Variants in FAM107B observed in about 807,000 individuals in gnomAD.
FAM107B encodes family with sequence similarity 107 member B, also known as protein FAM107B.
A neutral mutation model predicts 31.5 loss-of-function variants in FAM107B; 21 were observed. The observed-to-expected ratio is 0.67, with a 90% confidence interval of 0.47 to 0.96. The LOEUF is 0.96. FAM107B is among the 40% of genes least tolerant of loss of function. The probability of loss-of-function intolerance (pLI) is 0.00; values close to 1 mark genes in which losing one functional copy is unlikely to be tolerated. For missense variants in FAM107B, 452 were observed against 377.1 expected (o/e 1.20, Z -1.64); for synonymous variants, 157 against 141.5 (o/e 1.11, Z -0.78).
At chr10:14,634,078 A>G (rs78423014) in intron 2 of FAM107B, among the ~76,000 whole-genome samples, 1,613 of 152,230 alleles carry the variant, frequency 0.011, 12 homozygotes, top group Non-Finnish European at 0.018. Flanking sequence ...ATTGTTATTG[A>G]TTTTTAAAAT....
rs543191891 is a variant in FAM107B, at chr10:14,770,003, TC to T, written c.411+4249del. Reference sequence around the variant, plus strand: ...GATCGAAGCCCCTGTATTCTAGTCTTCCCCTGTCTTCTTCCCAAGGCTGAAC... The same window carrying T: ...GATCGAAGCCCCTGTATTCTAGTCTTCCCTGTCTTCTTCCCAAGGCTGAAC... On this transcript the variant is annotated intron_variant, in intron 1 of 4. Coordinates refer to ENST00000181796, the MANE Select transcript of FAM107B (RefSeq NM_031453.4). Among the ~76,000 whole-genome samples, 5 of 152,268 alleles carry T rather than the reference TC, an allele frequency of 3.3e-5. No homozygotes were observed. The South Asian group carries it at 8.3e-4, about 25-fold the overall frequency.
rs3995551 is a variant in FAM107B, at chr10:14,619,708, T to TAAAAA, written c.469+47921_469+47925dup. Among the ~76,000 whole-genome samples the TAAAAA allele has an allele frequency of 0.011, 1,169 of 104,510 alleles. 57 individuals carry two copies. The East Asian group carries it at 0.12, about 11-fold the overall frequency. The allele number at this position is 104,510 out of a possible 152,430, so 68.6% of individuals were successfully genotyped here. ...TTACGATTTGTGTTTGTGTCCTAGC[T>TAAAAA]AAAAAAAAAAAAAAAAAAAAAAACC... is the stretch of plus-strand genomic sequence containing the variant. On this transcript the variant is annotated intron_variant, in intron 2 of 4. Transcript: ENST00000181796.
chr10:14,714,581 G>T (rs1855739354), intron 1 of FAM107B, among the ~76,000 whole-genome samples: 2 of 152,172 alleles, frequency 1.3e-5, no homozygotes, highest in South Asian at 4.1e-4. Context: ...CAGGCAACGA[G>T]GGTACAGATG....
intron 2 of FAM107B, among the ~76,000 whole-genome samples, chr10:14,657,862 G>A (rs1854107255): frequency 6.6e-6 from 1 of 151,516 alleles, no homozygotes. Flanking sequence ...CCAGTCTGGA[G>A]TGCAGTGGCG....
rs12268308 is a variant in FAM107B, at chr10:14,756,935, T to C, written c.411+17318A>G. On this transcript the variant is annotated intron_variant, in intron 1 of 4. Coordinates refer to ENST00000181796, the MANE Select transcript of FAM107B (RefSeq NM_031453.4). ...ACAGAAAACCAAATATCGTGTGTTC[T>C]TACTTATAAGTGGGAGCTAAATGAT... Among the ~76,000 whole-genome samples the C allele has an allele frequency of 6.9e-3, 1,050 of 152,250 alleles. 13 individuals are homozygous for C. Among genetic ancestry groups the C allele is most frequent in the African/African-American group, 0.024 (1,012 of 41,542 alleles).
chr10:14,586,468 G>C (rs1851841733), intron 2 of FAM107B, among the ~76,000 whole-genome samples: 1 of 152,182 alleles, frequency 6.6e-6, no homozygotes, highest in Non-Finnish European at 1.5e-5. Flanking sequence ...CCAACGTGAT[G>C]ATATTTGGAA....
chr10:14,670,037 C>T lies in FAM107B; in HGVS notation c.412-2346G>A, dbSNP rs80050497. On this transcript the variant is annotated intron_variant, in intron 1 of 4. Transcript: ENST00000181796. ...TGCATGTAAAAAAAATCACAAGTAC[C>T]CCATGAATATGTAAATATTATGTAT... Among the ~76,000 whole-genome samples the T allele has an allele frequency of 9.2e-3, 1,404 of 152,172 alleles. 15 individuals carry two copies. Among genetic ancestry groups the T allele is most frequent in the African/African-American group, 0.028 (1,152 of 41,504 alleles).
intron 2 of FAM107B, among the ~76,000 whole-genome samples, chr10:14,629,684 T>G (rs1853302737): frequency 6.7e-6 from 1 of 149,404 alleles, no homozygotes. Context: ...GGCTAATTTT[T>G]TTGTATTTTT....
intron 1 of FAM107B, among the ~76,000 whole-genome samples, chr10:14,743,309 T>C (rs189253659): frequency 6.6e-6 from 1 of 152,310 alleles, no homozygotes; most frequent in Non-Finnish European, 1.5e-5. Flanking sequence ...CTGCAAGTTG[T>C]CTGTTTGCTC....
At chr10:14,561,444 C>T (rs1348551880) in intron 2 of FAM107B, among the ~76,000 whole-genome samples, 8 of 152,196 alleles carry the variant, frequency 5.3e-5, no homozygotes, top group Non-Finnish European at 1.0e-4. Flanking sequence ...CAAGGGCTAC[C>T]AAGGGAAAGA....
intron 2 of FAM107B, among the ~76,000 whole-genome samples, chr10:14,621,734 G>C (rs918716638): frequency 1.3e-5 from 2 of 152,184 alleles, no homozygotes; most frequent in African/African-American, 4.8e-5. Flanking sequence ...AACAGGATTT[G>C]GCTTTTTTTG....
At chr10:14,594,501 C>CAAAAAAAAAA (rs371126997) in intron 2 of FAM107B, among the ~76,000 whole-genome samples, 3 of 80,140 alleles carry the variant, frequency 3.7e-5, no homozygotes, top group Non-Finnish European at 4.6e-5. Context: ...AAGACCCTGC[C>CAAAAAAAAAA]AAAAAAAAAA....
At chr10:14,766,524 T>C (rs995090855) in intron 1 of FAM107B, among the ~76,000 whole-genome samples, 1 of 152,090 alleles carries the variant, frequency 6.6e-6, no homozygotes, top group African/African-American at 2.4e-5. Flanking sequence ...TACTTTGTAT[T>C]GGATTTGTGG....
chr10:14,582,108 C>A (rs1262439786), intron 2 of FAM107B, among the ~76,000 whole-genome samples: 1 of 152,114 alleles, frequency 6.6e-6, no homozygotes, highest in East Asian at 1.9e-4. Flanking sequence ...CTGTCTTCAA[C>A]CATAGAGAAT....
At chr10:14,693,064 A>C (rs1219574983) in intron 1 of FAM107B, among the ~76,000 whole-genome samples, 1 of 152,240 alleles carries the variant, frequency 6.6e-6, no homozygotes, top group Admixed American at 6.5e-5. Flanking sequence ...CAGCCATGGT[A>C]AATGACATCG....
At chr10:14,568,427 G>A (rs7077855) in intron 2 of FAM107B, among the ~76,000 whole-genome samples, 1 of 24,328 alleles carries the variant, frequency 4.1e-5, no homozygotes, top group Non-Finnish European at 1.0e-4. Flanking sequence ...AGGGTTAGAC[G>A]AGGAGGTGAA....
intron 2 of FAM107B, among the ~76,000 whole-genome samples, chr10:14,613,348 A>T (rs1852772888): frequency 6.6e-6 from 1 of 152,204 alleles, no homozygotes; most frequent in Non-Finnish European, 1.5e-5. Context: ...ACGGAAATTG[A>T]TTTTAAGAAT....
rs1448652845 is a variant in FAM107B, at chr10:14,521,897, A to C, written c.776T>G (p.Leu259Arg). Residue 259 changes from leucine to arginine, a missense_variant, in exon 4 of 5, where the codon CTA becomes CGA. Coordinates refer to ENST00000181796, the MANE Select transcript of FAM107B (RefSeq NM_031453.4). ...QKKKSDLEIE[L>R]LKRQQKLEQL... ...CTCCAACTTCTGCTGCCGTTTTAAT[A>C]GCTCTATTTCCAAGTCAGATTTCTT... The C allele has an allele frequency of 6.2e-7, 1 of 1,614,042 alleles. No homozygotes were observed. The highest frequency in any genetic ancestry group is 8.5e-7 in the Non-Finnish European group (1 of 1,180,004).
chr10:14,560,167 A>G (rs1035132540), intron 2 of FAM107B, among the ~76,000 whole-genome samples: 1 of 149,876 alleles, frequency 6.7e-6, no homozygotes, highest in Non-Finnish European at 1.5e-5. Flanking sequence ...ATGCTCTAAC[A>G]CCAACAGTTT....
Sources: gnomAD v4.1 joint callset for allele counts (sites outside exome capture counted in the v4.1 genomes callset) on GRCh38, gnomAD v4.1.1 for gene constraint, MANE v1.5 for transcripts, NCBI Gene and HGNC (gene_info 2026-07-23, HGNC 2026-07-21) for gene names.